The following ZRANB1 variants were observed in gnomAD, a reference collection of about 807,000 sequenced individuals.
ZRANB1 encodes the protein zinc finger RANBP2-type containing 1.
A neutral mutation model predicts 80.5 loss-of-function variants in ZRANB1; 16 were observed. The observed-to-expected ratio is 0.20, with a 90% CI of 0.13 to 0.30. The LOEUF (loss-of-function observed/expected upper bound fraction) is 0.30. ZRANB1 is among the 10% of genes least tolerant of loss of function. The probability of loss-of-function intolerance (pLI) is 1.00; values close to 1 mark genes in which losing one functional copy is unlikely to be tolerated. For synonymous variants in ZRANB1, 291 were observed against 293.1 expected (o/e 0.99, Z 0.07); for missense variants, 576 against 862.6 (o/e 0.67, Z 4.16).
chr10:124,922,658 C>A, the ZRANB1 span, among the ~76,000 whole-genome samples: 1 of 150,238 alleles, frequency 6.7e-6, no homozygotes, highest in Non-Finnish European at 1.5e-5. Context: ...ATGCCCAGCT[C>A]ATTTTTTTGT....
chr10:124,951,593 A>G (rs193134392), intron 1 of ZRANB1, among the ~76,000 whole-genome samples: 7 of 152,316 alleles, frequency 4.6e-5, no homozygotes, highest in Admixed American at 1.3e-4. Context: ...TTAGCTTTAA[A>G]AATTATTTCT....
the ZRANB1 span, among the ~76,000 whole-genome samples, chr10:124,926,591 C>A: frequency 6.6e-6 from 1 of 152,132 alleles, no homozygotes; most frequent in Admixed American, 6.5e-5. Context: ...AGAATACCTC[C>A]TGAAGGACCT....
chr10:124,918,402 C>T, the ZRANB1 span, among the ~76,000 whole-genome samples: 1 of 152,210 alleles, frequency 6.6e-6, no homozygotes, highest in Admixed American at 6.5e-5. Context: ...GTTGGTCAGG[C>T]TGGTCTCGCA....
chr10:124,963,566 T>TTTTTTTTTG (rs1951753819), intron 1 of ZRANB1, among the ~76,000 whole-genome samples: 1 of 134,196 alleles, frequency 7.5e-6, no homozygotes, highest in Admixed American at 8.0e-5. Context: ...TTTTTTTTTT[T>TTTTTTTTTG]TTTTTTTTTT....
chr10:124,945,352 A>G (rs897967767), intron 1 of ZRANB1: 2 of 144,110 alleles, frequency 1.4e-5, no homozygotes, highest in Non-Finnish European at 3.0e-5. Context: ...GTGAGCTTTT[A>G]TGTTGGGTGT....
At chr10:124,963,285 A>AAG (rs1564961885) in intron 1 of ZRANB1, among the ~76,000 whole-genome samples, 1 of 151,396 alleles carries the variant, frequency 6.6e-6, no homozygotes, top group African/African-American at 2.4e-5. Context: ...AAAAAAAAAA[A>AAG]AAAATGCTTC....
At chr10:124,964,408 C>G (rs1336872050) in intron 1 of ZRANB1, among the ~76,000 whole-genome samples, 1 of 152,126 alleles carries the variant, frequency 6.6e-6, no homozygotes, top group Non-Finnish European at 1.5e-5. Flanking sequence ...AGATGAGATT[C>G]TTCTAGACTT....
intron 1 of ZRANB1, among the ~76,000 whole-genome samples, chr10:124,957,295 G>T (rs545309206): frequency 6.6e-6 from 1 of 152,126 alleles, no homozygotes; most frequent in East Asian, 1.9e-4. Context: ...CTTTTTTAGA[G>T]GAGGGAGGAA....
chr10:124,953,046 T>C (rs1951655291), intron 1 of ZRANB1, among the ~76,000 whole-genome samples: 1 of 151,242 alleles, frequency 6.6e-6, no homozygotes, highest in Admixed American at 6.6e-5. Flanking sequence ...TGCCTCAGCC[T>C]CCCAAGTAGC....
chr10:124,956,619 C>T (rs1181163140), intron 1 of ZRANB1, among the ~76,000 whole-genome samples: 9 of 152,228 alleles, frequency 5.9e-5, no homozygotes, highest in East Asian at 3.9e-4. Context: ...TAGGCAAGCT[C>T]GCCACCACGC....
intron 5 of ZRANB1, among the ~76,000 whole-genome samples, chr10:124,976,235 G>T (rs1040352858): frequency 6.6e-6 from 1 of 152,172 alleles, no homozygotes. Flanking sequence ...GGCTGGGTAA[G>T]CCTGATGCTG....
chr10:124,917,211 C>G, the ZRANB1 span: 3 of 172,550 alleles, frequency 1.7e-5, no homozygotes, highest in Admixed American at 1.3e-4. Flanking sequence ...CCGCCGCCGC[C>G]GCCAAGCGCC....
At chr10:124,930,023 A>G in the ZRANB1 span, among the ~76,000 whole-genome samples, 2 of 151,562 alleles carry the variant, frequency 1.3e-5, no homozygotes, top group East Asian at 3.9e-4. Flanking sequence ...ACTGTTCTTT[A>G]CCTAAAGCTC....
At chr10:124,960,349 A>G (rs1449638234) in intron 1 of ZRANB1, among the ~76,000 whole-genome samples, 1 of 152,214 alleles carries the variant, frequency 6.6e-6, no homozygotes, top group Non-Finnish European at 1.5e-5. Context: ...TTTGTCTAGA[A>G]GAATTAAATG....
At chr10:124,937,374 C>T (rs1487705412), upstream of ZRANB1, among the ~76,000 whole-genome samples, 4 of 151,458 alleles carry the variant, frequency 2.6e-5, no homozygotes, top group African/African-American at 7.3e-5. Flanking sequence ...TTGGTAGAGA[C>T]GGGGTTTCGC....
intron 3 of ZRANB1, among the ~76,000 whole-genome samples, chr10:124,972,359 A>G (rs1282902155): frequency 1.3e-5 from 2 of 152,220 alleles, no homozygotes; most frequent in African/African-American, 4.8e-5. Flanking sequence ...TGTGGACCTC[A>G]GATTATTTTT....
At chr10:124,922,265 A>ATATATATATATT in the ZRANB1 span, among the ~76,000 whole-genome samples, 2 of 109,106 alleles carry the variant, frequency 1.8e-5, no homozygotes, top group African/African-American at 7.3e-5. Context: ...TGTAAAATAT[A>ATATATATATATT]TATATATATA....
At chr10:124,933,203 C>A in the ZRANB1 span, among the ~76,000 whole-genome samples, 1 of 119,156 alleles carries the variant, frequency 8.4e-6, no homozygotes, top group South Asian at 3.3e-4. Flanking sequence ...ATGGCGCGAT[C>A]TCGGCTCACT....
intron 1 of ZRANB1, among the ~76,000 whole-genome samples, chr10:124,946,898 G>A (rs1225713757): frequency 6.6e-6 from 1 of 152,040 alleles, no homozygotes; most frequent in East Asian, 1.9e-4. Flanking sequence ...GTGTATTTTG[G>A]GTTATTGATG....
Sources: allele counts gnomAD v4.1 joint callset (sites outside exome capture counted in the v4.1 genomes callset), GRCh38; gene constraint gnomAD v4.1.1; transcripts MANE v1.5; gene names NCBI Gene and HGNC (gene_info 2026-07-23, HGNC 2026-07-21).